ADAMTSL3: variants seen among roughly 807,000 people sequenced by gnomAD.
ADAMTSL3 encodes ADAMTS-like protein 3.
In ADAMTSL3, 128 loss-of-function variants were observed where a neutral mutation model predicts 201.7. The observed-to-expected ratio is 0.63, with a 90% confidence interval of 0.55 to 0.73. ADAMTSL3 has a LOEUF of 0.73. Ranked by LOEUF, ADAMTSL3 falls within the 30% of genes least tolerant of loss-of-function variation. ADAMTSL3 has a pLI of 0.00. For synonymous variants in ADAMTSL3, 738 were observed against 748.4 expected (o/e 0.99, Z 0.23); for missense variants, 1,990 against 2,119.6 (o/e 0.94, Z 1.20).
At chr15:83,972,713 C>T (rs1326227669) in intron 20 of ADAMTSL3, among the ~76,000 whole-genome samples, 1 of 152,134 alleles carries the variant, frequency 6.6e-6, no homozygotes, top group Non-Finnish European at 1.5e-5. Context: ...ACATGTAGGT[C>T]ATGAAGGTAG....
intron 17 of ADAMTSL3, among the ~76,000 whole-genome samples, chr15:83,934,045 G>A (rs2066414840): frequency 6.6e-6 from 1 of 152,174 alleles, no homozygotes; most frequent in Admixed American, 6.5e-5. Context: ...GTCCCCACTG[G>A]GACACTGCCT....
chr15:83,996,655 C>G (rs1042146511), intron 23 of ADAMTSL3, among the ~76,000 whole-genome samples: 1 of 151,590 alleles, frequency 6.6e-6, no homozygotes, highest in Non-Finnish European at 1.5e-5. Context: ...GTGGTGGGTG[C>G]CTGTAGTCCC....
chr15:83,791,930 G>T (rs1014846713), intron 4 of ADAMTSL3, among the ~76,000 whole-genome samples: 2 of 151,766 alleles, frequency 1.3e-5, no homozygotes, highest in Non-Finnish European at 2.9e-5. Context: ...TTTAGCATCC[G>T]GAAGAAACAG....
intron 3 of ADAMTSL3, chr15:83,717,663 T>C (rs2062038498): frequency 6.6e-6 from 1 of 152,154 alleles, no homozygotes; most frequent in East Asian, 1.9e-4. Context: ...TAAAGTAAAA[T>C]TAGATTTTAA....
chr15:83,826,986 T>C (rs1393061064), intron 6 of ADAMTSL3, among the ~76,000 whole-genome samples: 1 of 152,204 alleles, frequency 6.6e-6, no homozygotes, highest in Non-Finnish European at 1.5e-5. Flanking sequence ...TGCCTGTGTC[T>C]TTATAGCAGC....
chr15:83,841,218 A>G (rs1397877947), intron 7 of ADAMTSL3, among the ~76,000 whole-genome samples: 1 of 152,230 alleles, frequency 6.6e-6, no homozygotes, highest in African/African-American at 2.4e-5. Flanking sequence ...AGTTCTCTTC[A>G]GACTTATCAT....
chr15:83,835,233 C>CAAAA (rs58071247), intron 6 of ADAMTSL3, among the ~76,000 whole-genome samples: 1 of 112,306 alleles, frequency 8.9e-6, no homozygotes, highest in African/African-American at 3.5e-5. Context: ...GACTCTGTCT[C>CAAAA]AAAAAAAAAA....
intron 4 of ADAMTSL3, among the ~76,000 whole-genome samples, chr15:83,797,136 A>G (rs536722841): frequency 1.3e-5 from 2 of 152,364 alleles, no homozygotes; most frequent in East Asian, 3.9e-4. Flanking sequence ...TTGACAATGA[A>G]TATAACCAAT....
At chr15:83,804,788 T>C in intron 5 of ADAMTSL3, 93 bp downstream of exon 5, 1 of 901,770 alleles carries the variant, frequency 1.1e-6, no homozygotes, top group Non-Finnish European at 1.6e-6. Context: ...TGATGGTCTC[T>C]TAATACCCTT....
intron 15 of ADAMTSL3, among the ~76,000 whole-genome samples, chr15:83,902,827 C>A (rs2065752998): frequency 6.6e-6 from 1 of 152,052 alleles, no homozygotes; most frequent in Non-Finnish European, 1.5e-5. Flanking sequence ...TGGGAGTGGC[C>A]CCACCTGTTA....
chr15:83,791,469 G>C (rs548471422), intron 4 of ADAMTSL3, among the ~76,000 whole-genome samples: 1 of 152,110 alleles, frequency 6.6e-6, no homozygotes, highest in Non-Finnish European at 1.5e-5. Context: ...AAGGTGTCAA[G>C]AACACAGGGA....
chr15:83,919,046 A>T (rs546801489), intron 16 of ADAMTSL3, among the ~76,000 whole-genome samples: 8 of 152,268 alleles, frequency 5.3e-5, no homozygotes, highest in African/African-American at 1.9e-4. Context: ...GGTGAATGCT[A>T]AATGTTGGTG....
chr15:83,978,994 G>A (rs1322497502), intron 20 of ADAMTSL3, among the ~76,000 whole-genome samples: 2 of 152,240 alleles, frequency 1.3e-5, no homozygotes, highest in Non-Finnish European at 2.9e-5. Flanking sequence ...CCCAAGCTCA[G>A]CTGAGGGACA....
chr15:83,957,254 C>A (rs148389898), intron 19 of ADAMTSL3, among the ~76,000 whole-genome samples: 11 of 152,206 alleles, frequency 7.2e-5, no homozygotes, highest in Non-Finnish European at 1.5e-4. Flanking sequence ...GAACAGGATG[C>A]ACTGAGTAAG....
Position 83,941,532 on chromosome 15 carries a change from A to G in ADAMTSL3, c.2118-1064A>G, listed in dbSNP as rs904662211. Among the ~76,000 whole-genome samples, 18 of 152,180 alleles carry G rather than the reference A, an allele frequency of 1.2e-4. 1 individual carries two copies. The highest frequency in any genetic ancestry group is 9.2e-4 in the Admixed American group (14 of 15,286). ...AATGCATAAAATAGGATTATACTCT[A>G]CAAATTATTTTATGACCTTTTCTTT... On this transcript the variant is annotated intron_variant, in intron 17 of 29. Coordinates refer to ENST00000286744, the MANE Select transcript of ADAMTSL3 (RefSeq NM_207517.3).
intron 5 of ADAMTSL3, among the ~76,000 whole-genome samples, chr15:83,807,815 A>T (rs571051343): frequency 2.0e-4 from 31 of 152,376 alleles, no homozygotes; most frequent in African/African-American, 7.0e-4. Context: ...CACAGATTAG[A>T]GAGTCCAGAA....
intron 23 of ADAMTSL3, among the ~76,000 whole-genome samples, chr15:83,993,520 A>T (rs996890418): frequency 1.3e-5 from 2 of 152,180 alleles, no homozygotes; most frequent in Non-Finnish European, 2.9e-5. Context: ...TAATGAACTT[A>T]TTTTTATAGA....
Position 83,838,152 on chromosome 15 carries a change from G to T in ADAMTSL3, c.664G>T (p.Gly222Cys). The change falls in exon 7 of 30, where the codon GGC becomes TGC. Residue 222 changes from glycine to cysteine, a missense_variant. Transcript: ENST00000286744. ...AKEDNCGVCAGDGSTCRLVRG... is the reference protein window; with the variant it reads ...AKEDNCGVCACDGSTCRLVRG... ...GGAGGACAACTGTGGAGTCTGTGCC[G>T]GCGATGGCTCCACCTGCAGGCTTGT... is the stretch of plus-strand genomic sequence containing the variant. The T allele has an allele frequency of 3.1e-6, 5 of 1,613,056 alleles. No individual in the cohort carries two copies. Among genetic ancestry groups the T allele is most frequent in the Non-Finnish European group, 4.2e-6 (5 of 1,179,604 alleles).
intron 4 of ADAMTSL3, among the ~76,000 whole-genome samples, chr15:83,798,333 G>C (rs1012807592): frequency 6.6e-6 from 1 of 152,184 alleles, no homozygotes; most frequent in Non-Finnish European, 1.5e-5. Flanking sequence ...TCTGAGGGTA[G>C]AAAACATCCT....
Sources: allele counts gnomAD v4.1 joint callset (sites outside exome capture counted in the v4.1 genomes callset), GRCh38; gene constraint gnomAD v4.1.1; transcripts MANE v1.5; gene names NCBI Gene and HGNC (gene_info 2026-07-23, HGNC 2026-07-21).